SPECC1: variants seen among roughly 807,000 people sequenced by gnomAD.
SPECC1 encodes the protein cytospin-B.
In SPECC1, 62 loss-of-function variants were observed where a neutral mutation model predicts 104.1. The ratio of observed to expected loss-of-function variants is 0.60; its 90% CI spans 0.49 to 0.74. The LOEUF is 0.74. Among genes scored for constraint, SPECC1 ranks in the 30% least tolerant of loss-of-function variants. The pLI, the probability that SPECC1 is intolerant of heterozygous loss-of-function variation, is 0.00. For synonymous variants in SPECC1, 513 were observed against 501.6 expected (o/e 1.02, Z -0.30); for missense variants, 1,306 against 1,310.5 (o/e 1.00, Z 0.05).
intron 1 of SPECC1, among the ~76,000 whole-genome samples, chr17:20,020,211 A>G (rs984280881): frequency 6.6e-6 from 1 of 152,200 alleles, no homozygotes; most frequent in Non-Finnish European, 1.5e-5. Context: ...TAAATGTTTT[A>G]GTTTGAAAGG....
intron 3 of SPECC1, among the ~76,000 whole-genome samples, chr17:20,153,079 G>C (rs181121693): frequency 2.2e-4 from 33 of 152,144 alleles, no homozygotes; most frequent in Admixed American, 1.3e-3. Flanking sequence ...CACATTGTGG[G>C]GGGTAGGGCT....
chr17:20,220,877 T>C (rs988996038), intron 4 of SPECC1, among the ~76,000 whole-genome samples: 1 of 152,212 alleles, frequency 6.6e-6, no homozygotes, highest in African/African-American at 2.4e-5. Context: ...ATTGACAGTT[T>C]TTATCATGAA....
In SPECC1 at chr17:20,156,945, G is replaced by A. The variant is rs537090594; in HGVS notation, c.283+46383G>A. Among the ~76,000 whole-genome samples the A allele has an allele frequency of 2.0e-5, 3 of 152,268 alleles. No individual in the cohort carries two copies. In the South Asian group the frequency reaches 6.2e-4, roughly 32 times the overall value. On this transcript the variant is annotated intron_variant, in intron 3 of 14. Coordinates refer to ENST00000395527, the MANE Select transcript of SPECC1 (RefSeq NM_001243439.2). Reference sequence around the variant, plus strand: ...TTGCCTGAAAAATGGCATCTTGGCTGATAGGAAAGAGGTGGTTGACCTGAC... The same window carrying A: ...TTGCCTGAAAAATGGCATCTTGGCTAATAGGAAAGAGGTGGTTGACCTGAC...
chr17:20,306,741 C>T (rs750289021), intron 14 of SPECC1, among the ~76,000 whole-genome samples: 8 of 152,190 alleles, frequency 5.3e-5, no homozygotes, highest in Non-Finnish European at 1.2e-4. Context: ...GGTTTAGAGT[C>T]CAAATTTATA....
At chr17:20,262,703 A>C (rs965312511) in intron 12 of SPECC1, among the ~76,000 whole-genome samples, 1 of 152,146 alleles carries the variant, frequency 6.6e-6, no homozygotes, top group Non-Finnish European at 1.5e-5. Context: ...TGGGGATGGA[A>C]AATGAAAGAA....
chr17:20,260,136 T>G, intron 11 of SPECC1, 56 bp from the exon 12 acceptor site: 7 of 1,387,634 alleles, frequency 5.0e-6, no homozygotes, highest in African/African-American at 1.5e-5. Flanking sequence ...CTTGTGTATT[T>G]GAGAATTCTA....
chr17:20,220,238 T>G (rs2037788037), intron 4 of SPECC1, among the ~76,000 whole-genome samples: 1 of 152,198 alleles, frequency 6.6e-6, no homozygotes, highest in Non-Finnish European at 1.5e-5. Context: ...TAGGGATTGC[T>G]TTGACTGTTT....
At chr17:20,239,729 A>G (rs969184960) in intron 7 of SPECC1, among the ~76,000 whole-genome samples, 8 of 152,168 alleles carry the variant, frequency 5.3e-5, no homozygotes, top group South Asian at 2.1e-4. Flanking sequence ...GATGTCTCCA[A>G]TTACTCACCT....
intron 4 of SPECC1, among the ~76,000 whole-genome samples, chr17:20,213,088 T>G (rs1373530629): frequency 6.6e-6 from 1 of 152,066 alleles, no homozygotes; most frequent in Middle Eastern, 3.2e-3. Flanking sequence ...TTAGAGCTCT[T>G]ATTCTTTTTT....
chr17:20,096,869 G>A, intron 2 of SPECC1, 71 bp downstream of exon 2: 1 of 1,541,126 alleles, frequency 6.5e-7, no homozygotes, highest in East Asian at 2.3e-5. Context: ...GAAGAGGGCA[G>A]TAAGCAAACC....
chr17:20,078,327 C>T (rs575921519), intron 1 of SPECC1, among the ~76,000 whole-genome samples: 1 of 151,590 alleles, frequency 6.6e-6, no homozygotes, highest in East Asian at 2.0e-4. Flanking sequence ...ATAAATGATC[C>T]CAGCAATCAA....
At chr17:20,019,124 C>T (rs1328323530) in intron 1 of SPECC1, among the ~76,000 whole-genome samples, 1 of 152,124 alleles carries the variant, frequency 6.6e-6, no homozygotes, top group African/African-American at 2.4e-5. Flanking sequence ...TGTCTATAAT[C>T]CCAACACTGT....
intron 1 of SPECC1, among the ~76,000 whole-genome samples, chr17:20,015,947 C>T (rs1450032091): frequency 6.7e-6 from 1 of 149,200 alleles, no homozygotes; most frequent in Non-Finnish European, 1.5e-5. Flanking sequence ...CGCAGTGGCT[C>T]ACGTCTGTAA....
intron 3 of SPECC1, among the ~76,000 whole-genome samples, chr17:20,161,450 C>A (rs1002819671): frequency 6.6e-6 from 1 of 152,026 alleles, no homozygotes; most frequent in South Asian, 2.1e-4. Flanking sequence ...AGTAAGTCTT[C>A]TGTGCATCAT....
chr17:20,286,985 C>G (rs2040970018), intron 12 of SPECC1, among the ~76,000 whole-genome samples: 1 of 152,262 alleles, frequency 6.6e-6, no homozygotes, highest in Admixed American at 6.5e-5. Flanking sequence ...TCCTGGAGGA[C>G]TGATCCCCTT....
intron 1 of SPECC1, among the ~76,000 whole-genome samples, chr17:20,053,831 A>G (rs113687711): frequency 3.9e-5 from 6 of 152,236 alleles, no homozygotes; most frequent in African/African-American, 1.4e-4. Flanking sequence ...AGCCTATCTT[A>G]GATTCCTGGC....
intron 3 of SPECC1, among the ~76,000 whole-genome samples, chr17:20,128,158 C>T (rs2049416976): frequency 6.6e-6 from 1 of 152,204 alleles, no homozygotes; most frequent in Non-Finnish European, 1.5e-5. Flanking sequence ...GTGGAGATTG[C>T]TGCCTTAAGC....
intron 12 of SPECC1, among the ~76,000 whole-genome samples, chr17:20,264,854 C>T (rs2040164884): frequency 6.6e-6 from 1 of 152,168 alleles, no homozygotes; most frequent in African/African-American, 2.4e-5. Flanking sequence ...TTAGCTCCCA[C>T]TTATAAGTGA....
intron 4 of SPECC1, among the ~76,000 whole-genome samples, chr17:20,223,915 A>ATGGAAGAG (rs1282591617): frequency 1.3e-5 from 2 of 152,178 alleles, no homozygotes; most frequent in African/African-American, 4.8e-5. Flanking sequence ...ATGTCTGGGC[A>ATGGAAGAG]TGGAAGAGTC....
Sources: allele counts gnomAD v4.1 joint callset (sites outside exome capture counted in the v4.1 genomes callset), GRCh38; gene constraint gnomAD v4.1.1; transcripts MANE v1.5; gene names NCBI Gene and HGNC (gene_info 2026-07-23, HGNC 2026-07-21).